ZNF679: variants seen among roughly 807,000 people sequenced by gnomAD.
ZNF679 encodes the protein zinc finger protein 679, also known as hypothetical protein MGC42415.
ZNF679 carries 10 observed loss-of-function variants against 13.4 expected under a neutral mutation model. That is an observed-to-expected ratio of 0.75 (90% CI 0.46 to 1.27). ZNF679 has a LOEUF of 1.27. Ranked by LOEUF, ZNF679 falls within the 50% of genes most tolerant of loss-of-function variation. The pLI is 0.00. For missense variants in ZNF679, 525 were observed against 477.8 expected (o/e 1.10, Z -0.92); for synonymous variants, 179 against 162.5 (o/e 1.10, Z -0.77).
intron 1 of ZNF679, among the ~76,000 whole-genome samples, chr7:64,231,748 G>A (rs1260352518): frequency 1.3e-5 from 2 of 152,202 alleles, no homozygotes; most frequent in East Asian, 1.9e-4. Context: ...GCGGGGCCCA[G>A]GCAGGAGCAT....
chr7:64,233,209 C>A (rs1263609743), intron 1 of ZNF679, among the ~76,000 whole-genome samples: 1 of 150,698 alleles, frequency 6.6e-6, no homozygotes, highest in Non-Finnish European at 1.5e-5. Flanking sequence ...CTGCCCCACT[C>A]CAGCTTGAGT....
chr7:64,256,698 T>A (rs1788009061), intron 2 of ZNF679, among the ~76,000 whole-genome samples: 1 of 123,768 alleles, frequency 8.1e-6, no homozygotes, highest in African/African-American at 2.7e-5. Context: ...TTCGTTGAAC[T>A]TTTTTTTTTT....
At position 64,265,880 on chromosome 7, in the gene ZNF679, T is replaced by A. The variant is rs1788136952; in HGVS notation, c.263-16T>A. ...GTGTAGTAAGTGAAGTAACTTGTGA[T>A]TTTTATGTCTTTCAGTTATGTGTTC... On this transcript the variant is annotated splice_polypyrimidine_tract_variant and intron_variant, in intron 4 of 4. Transcript: ENST00000421025. 6.2e-7 allele frequency: 1 copy of A among 1,607,212 alleles called. No individual in the cohort carries two copies. The highest frequency in any genetic ancestry group is 1.3e-5 in the African/African-American group (1 of 74,438).
chr7:64,247,128 G>T (rs10275001), intron 1 of ZNF679, among the ~76,000 whole-genome samples: 2 of 152,074 alleles, frequency 1.3e-5, no homozygotes, highest in Non-Finnish European at 2.9e-5. Context: ...TGATTCCTGA[G>T]GACAATCAGA....
At chr7:64,249,206 C>G (rs769389374) in intron 2 of ZNF679, 50 bp downstream of exon 2, 4 of 1,613,846 alleles carry the variant, frequency 2.5e-6, no homozygotes, top group Non-Finnish European at 3.4e-6. Context: ...CTGGTTGGAA[C>G]CGGCTGAAAG....
intron 1 of ZNF679, among the ~76,000 whole-genome samples, chr7:64,236,965 GAA>G (rs552533058): frequency 4.4e-4 from 15 of 34,088 alleles, no homozygotes; most frequent in East Asian, 1.3e-3. Flanking sequence ...AAGAAAGAAA[GAA>G]AGAAAGAAAA....
intron 3 of ZNF679, 37 bp downstream of exon 3, chr7:64,260,384 T>G (rs1282684799): frequency 6.4e-7 from 1 of 1,561,092 alleles, no homozygotes; most frequent in Non-Finnish European, 8.6e-7. Flanking sequence ...CTAATATATT[T>G]CTTTTCTCTC....
At chr7:64,246,494 G>A (rs1017426971) in intron 1 of ZNF679, among the ~76,000 whole-genome samples, 2 of 152,052 alleles carry the variant, frequency 1.3e-5, no homozygotes, top group Admixed American at 6.6e-5. Context: ...AGGCAAAGGC[G>A]GGCAGATCAC....
At chr7:64,253,749 T>C (rs1029323969) in intron 2 of ZNF679, among the ~76,000 whole-genome samples, 9 of 152,106 alleles carry the variant, frequency 5.9e-5, no homozygotes, top group Admixed American at 6.5e-5. Flanking sequence ...AAGAATGGTA[T>C]GATATAAGGG....
At chr7:64,231,918 C>CT (rs1441187032) in intron 1 of ZNF679, among the ~76,000 whole-genome samples, 2 of 152,212 alleles carry the variant, frequency 1.3e-5, no homozygotes, top group Admixed American at 6.5e-5. Context: ...AATGTCCCAG[C>CT]TGGAGGTATG....
chr7:64,235,270 G>A (rs1787692942), intron 1 of ZNF679, among the ~76,000 whole-genome samples: 1 of 151,000 alleles, frequency 6.6e-6, no homozygotes, highest in African/African-American at 2.4e-5. Flanking sequence ...AAAAACCAAA[G>A]GGAAATCAGA....
At position 64,249,056 on chromosome 7, in the gene ZNF679, C is replaced by A; in HGVS notation, c.-62C>A. The stretch of plus-strand genomic sequence containing the variant: ...TCCAGTTCTTCTCTTCACTGCTCTG[C>A]GTCCTCTGTTCCTAGAGGCCAAGCC... On this transcript the variant is annotated 5_prime_UTR_variant, in exon 2 of 5. Transcript: ENST00000421025. 1 of 1,609,712 alleles carries A rather than the reference C, an allele frequency of 6.2e-7. No homozygotes were observed. Among genetic ancestry groups the A allele is most frequent in the Non-Finnish European group, 8.5e-7 (1 of 1,177,132 alleles).
At chr7:64,263,113 G>A (rs1291630471) in intron 4 of ZNF679, among the ~76,000 whole-genome samples, 2 of 151,254 alleles carry the variant, frequency 1.3e-5, no homozygotes, top group Non-Finnish European at 2.9e-5. Context: ...TTTTTTACAC[G>A]GGGTTTCTCA....
At chr7:64,241,364 G>C (rs2116517924) in intron 1 of ZNF679, among the ~76,000 whole-genome samples, 1 of 152,288 alleles carries the variant, frequency 6.6e-6, no homozygotes, top group Admixed American at 6.5e-5. Flanking sequence ...CATCACCTGG[G>C]TGCTGGCCAG....
intron 1 of ZNF679, among the ~76,000 whole-genome samples, chr7:64,235,796 AAG>A (rs1491493724): frequency 6.7e-6 from 1 of 149,196 alleles, no homozygotes; most frequent in African/African-American, 2.5e-5. Context: ...TCAAGAAAGA[AAG>A]AAAGAAAGAA....
Position 64,265,896 on chromosome 7 carries a change from TTA to T in ZNF679, c.265_266del (p.Met89ValfsTer32). 6.2e-7 allele frequency: 1 copy of T among 1,611,942 alleles called. No individual in the cohort carries two copies. ...AACTTGTGATTTTTATGTCTTTCAG[TTA>T]TGTGTTCTCATTTCACCCAAGACCT... On this transcript the variant is annotated frameshift_variant and splice_region_variant, in exon 5 of 5. Transcript: ENST00000421025. LOFTEE classifies it low-confidence loss of function (END_TRUNC).
chr7:64,238,834 T>C (rs1244561096), intron 1 of ZNF679, among the ~76,000 whole-genome samples: 1 of 152,188 alleles, frequency 6.6e-6, no homozygotes, highest in Non-Finnish European at 1.5e-5. Context: ...TCACTGCACC[T>C]GCCCATAGAT....
chr7:64,250,990 A>T (rs2116531912), intron 2 of ZNF679, among the ~76,000 whole-genome samples: 1 of 152,216 alleles, frequency 6.6e-6, no homozygotes, highest in Admixed American at 6.6e-5. Flanking sequence ...ACATTCCCAA[A>T]TGCCAACTTT....
chr7:64,236,500 G>A (rs905618366), intron 1 of ZNF679, among the ~76,000 whole-genome samples: 2 of 151,820 alleles, frequency 1.3e-5, no homozygotes, highest in African/African-American at 4.8e-5. Flanking sequence ...AAAGTCTATG[G>A]GGGCAGGGCT....
Sources: gnomAD v4.1 joint callset for allele counts (sites outside exome capture counted in the v4.1 genomes callset) on GRCh38, gnomAD v4.1.1 for gene constraint, MANE v1.5 for transcripts, NCBI Gene and HGNC (gene_info 2026-07-23, HGNC 2026-07-21) for gene names.